The following ZNF232 variants were observed in gnomAD, a reference collection of about 807,000 sequenced individuals.
ZNF232 encodes the protein zinc finger protein 232.
Under a neutral mutation model 25.2 loss-of-function variants are expected in ZNF232, and 25 were observed. The observed-to-expected ratio is 0.99, with a 90% CI of 0.72 to 1.39. ZNF232 has a LOEUF of 1.39. Among genes scored for constraint, ZNF232 ranks in the 40% most tolerant of loss-of-function variants. The pLI is 0.00. For missense variants in ZNF232, 519 were observed against 520.9 expected (o/e 1.00, Z 0.04); for synonymous variants, 193 against 182.9 (o/e 1.06, Z -0.45).
chr17:5,113,052 A>G (rs2143641826), upstream of ZNF232, among the ~76,000 whole-genome samples: 1 of 152,352 alleles, frequency 6.6e-6, no homozygotes, highest in Non-Finnish European at 1.5e-5. Flanking sequence ...AAAATAGCTT[A>G]ATCCTAGTCT....
chr17:5,118,208 T>C (rs1218594956), intron 1 of ZNF232: 3 of 152,474 alleles, frequency 2.0e-5, no homozygotes, highest in African/African-American at 7.2e-5. Flanking sequence ...AGGATTTTTT[T>C]CCTTGATTCC....
chr17:5,106,148 C>G, exon 4 of ZNF232: 1 of 1,614,174 alleles, frequency 6.2e-7, no homozygotes, highest in Non-Finnish European at 8.5e-7. Context: ...TGAAAGTTTT[C>G]CCACAGTCAC....
chr17:5,109,200 G>T, intron 2 of ZNF232, 148 bp from the exon 3 acceptor site: 2 of 1,280,588 alleles, frequency 1.6e-6, no homozygotes, highest in Non-Finnish European at 1.1e-6. Flanking sequence ...GTCAGCACAA[G>T]GGAAGAAGAG....
chr17:5,117,412 A>G, intron 1 of ZNF232, among the ~76,000 whole-genome samples: 1 of 151,548 alleles, frequency 6.6e-6, no homozygotes, highest in South Asian at 2.1e-4. Flanking sequence ...GCTACTCAGG[A>G]GGCTGAGGCA....
At chr17:5,108,873 C>T (rs2072324947) in intron 3 of ZNF232, 53 bp downstream of exon 3, 4 of 1,611,942 alleles carry the variant, frequency 2.5e-6, no homozygotes, top group Non-Finnish European at 3.4e-6. Context: ...AGGTACTGTG[C>T]CCTTTATAGT....
upstream of ZNF232, chr17:5,115,051 GA>G (rs1567761521): frequency 6.6e-6 from 1 of 152,182 alleles, no homozygotes; most frequent in African/African-American, 2.4e-5. Flanking sequence ...TAAGACAGAG[GA>G]AAACTGGGGG....
chr17:5,109,764 G>A, exon 2 of ZNF232: 2 of 1,614,122 alleles, frequency 1.2e-6, no homozygotes, highest in African/African-American at 2.7e-5. Context: ...TTGTCCCTGT[G>A]TACCCTGAAG....
chr17:5,117,207 C>T (rs919412267), intron 1 of ZNF232, among the ~76,000 whole-genome samples: 4 of 152,184 alleles, frequency 2.6e-5, no homozygotes, highest in Non-Finnish European at 5.9e-5. Flanking sequence ...GTAGCACCCG[C>T]TGCTTAACAC....
chr17:5,106,137 T>C lies in ZNF232; in HGVS notation c.995A>G (p.Lys332Arg), dbSNP rs1597916383. ...ATGCTGACCGAGGTTTGAGCTCTGT[T>C]TGAAAGTTTTCCCACAGTCACTACA... Residue 332 changes from lysine to arginine, a missense_variant, in exon 4 of 4, where the codon AAA (lysine) becomes AGA (arginine). Lys to Arg is a conservative substitution (Grantham distance 26). Transcript: ENST00000575898. The C allele has an allele frequency of 3.1e-6, 5 of 1,614,214 alleles. No homozygotes were observed. The East Asian group carries it at 1.1e-4, about 36-fold the overall frequency.
chr17:5,111,918 T>C, upstream of ZNF232: 1 of 1,527,790 alleles, frequency 6.5e-7, no homozygotes, highest in Non-Finnish European at 8.8e-7. Flanking sequence ...ACTCCCAGAA[T>C]CCTCCTCGCC....
chr17:5,108,572 T>C (rs1431325077), intron 3 of ZNF232, among the ~76,000 whole-genome samples: 1 of 151,658 alleles, frequency 6.6e-6, no homozygotes, highest in African/African-American at 2.4e-5. Context: ...GCAGAGTTAT[T>C]ATAGACTAGG....
At chr17:5,106,690 G>C (rs2072268914) in intron 3 of ZNF232, among the ~76,000 whole-genome samples, 157 bp from the exon 4 acceptor site, 1 of 151,880 alleles carries the variant, frequency 6.6e-6, no homozygotes, top group Non-Finnish European at 1.5e-5. Flanking sequence ...CAGAGGAGAG[G>C]GTTTCTTCTT....
chr17:5,119,220 C>A (rs1381189801), intron 1 of ZNF232, among the ~76,000 whole-genome samples: 7 of 152,202 alleles, frequency 4.6e-5, no homozygotes, highest in Non-Finnish European at 2.9e-5. Context: ...GGTTCTTTAG[C>A]TGTTTAAAAT....
upstream of ZNF232, among the ~76,000 whole-genome samples, chr17:5,112,766 CATG>C (rs1485378008): frequency 6.6e-6 from 1 of 150,752 alleles, no homozygotes; most frequent in African/African-American, 2.4e-5. Context: ...TTTTTTGAGA[CATG>C]GTGGCCAACA....
chr17:5,111,775 C>T (rs938165573), intron 1 of ZNF232, 25 bp downstream of exon 1: 1 of 1,613,680 alleles, frequency 6.2e-7, no homozygotes, highest in African/African-American at 1.3e-5. Context: ...AGGTGGACCT[C>T]GGGGAAGCCG....
At chr17:5,115,555 AAC>A (rs61171102), upstream of ZNF232, among the ~76,000 whole-genome samples, 20,916 of 148,730 alleles carry the variant, frequency 0.14, 1,682 homozygotes, top group African/African-American at 0.22. Context: ...CGTCTCCAAA[AAC>A]ACACACACAC....
chr17:5,109,526 C>G (rs751129415), exon 2 of ZNF232: 4 of 1,614,220 alleles, frequency 2.5e-6, no homozygotes, highest in Non-Finnish European at 3.4e-6. Flanking sequence ...GTTCCAGCAC[C>G]AGGAACTCCA....
intron 3 of ZNF232, among the ~76,000 whole-genome samples, chr17:5,106,883 T>C (rs535770646): frequency 6.6e-6 from 1 of 152,232 alleles, no homozygotes; most frequent in East Asian, 1.9e-4. Context: ...ATCATTAGGG[T>C]TAAGGAAAAG....
intron 1 of ZNF232, among the ~76,000 whole-genome samples, chr17:5,122,714 G>A (rs980921954): frequency 1.3e-5 from 2 of 152,314 alleles, no homozygotes; most frequent in Admixed American, 6.5e-5. Flanking sequence ...GCTCCCACCC[G>A]GAGCCCAGCC....
Sources: gnomAD v4.1 joint callset for allele counts (sites outside exome capture counted in the v4.1 genomes callset) on GRCh38, gnomAD v4.1.1 for gene constraint, MANE v1.5 for transcripts, NCBI Gene and HGNC (gene_info 2026-07-23, HGNC 2026-07-21) for gene names.